The following ZNF292 variants were observed in gnomAD, a reference collection of about 807,000 sequenced individuals.
The protein encoded by ZNF292 is zinc finger protein 292.
ZNF292 carries 26 observed loss-of-function variants against 217.9 expected under a neutral mutation model. The observed-to-expected ratio is 0.12, with a 90% confidence interval of 0.09 to 0.17. The LOEUF (loss-of-function observed/expected upper bound fraction) is 0.17. Ranked by LOEUF, ZNF292 falls within the 10% of genes least tolerant of loss-of-function variation. The probability of loss-of-function intolerance (pLI) is 1.00; values close to 1 mark genes in which losing one functional copy is unlikely to be tolerated. For synonymous variants in ZNF292, 1,257 were observed against 1,124.1 expected (o/e 1.12, Z -2.37); for missense variants, 2,904 against 3,175.2 (o/e 0.91, Z 2.05).
chr6:87,174,694 T>C (rs1481286294), intron 1 of ZNF292, among the ~76,000 whole-genome samples: 2 of 152,204 alleles, frequency 1.3e-5, no homozygotes, highest in Non-Finnish European at 2.9e-5. Flanking sequence ...CTTACGCTGC[T>C]TATTCTTGTC....
At chr6:87,176,717 G>T (rs963971978) in intron 1 of ZNF292, among the ~76,000 whole-genome samples, 2 of 152,064 alleles carry the variant, frequency 1.3e-5, no homozygotes, top group African/African-American at 4.8e-5. Flanking sequence ...AGTGGTTCCT[G>T]ATGACCTGGT....
Position 87,258,850 on chromosome 6 carries a change from A to C in ZNF292, c.5221A>C (p.Asn1741His), listed in dbSNP as rs751077265. 19 of 1,610,540 alleles carry C rather than the reference A, an allele frequency of 1.2e-5. No individual in the cohort carries two copies. Among genetic ancestry groups the C allele is most frequent in the Non-Finnish European group, 1.5e-5 (18 of 1,178,158 alleles). Residue 1741 changes from asparagine (N) to histidine (H), a missense_variant, in exon 8 of 8, where the codon AAT (asparagine) becomes CAT (histidine). Transcript: ENST00000369577. Reference protein sequence around the residue: ...MALNSCTTSINSDLQISEDNV... With the variant: ...MALNSCTTSIHSDLQISEDNV... The stretch of plus-strand genomic sequence containing the variant: ...TTTGAATTCATGCACAACTTCAATA[A>C]ATTCTGATTTGCAGATTTCTGAAGA...
intron 1 of ZNF292, chr6:87,174,099 A>C (rs1483910000): frequency 6.0e-6 from 1 of 165,802 alleles, no homozygotes; most frequent in African/African-American, 2.6e-5. Context: ...AGAATAGTGC[A>C]GGAGCTTCAC....
chr6:87,257,883 G>A lies in ZNF292; in HGVS notation c.4254G>A (p.Gln1418=), dbSNP rs200092613. ...AAGAACTTCTACAGAGTAATGGACA[G>A]CCTTCTCTTCTTGCCAGCATGATTC... ...IAQELLQSNG[Q]PSLLASMILS... Residue 1418 remains glutamine, a synonymous_variant, in exon 8 of 8, where the codon CAG becomes CAA. Transcript: ENST00000369577. The A allele has an allele frequency of 1.1e-4, 176 of 1,613,898 alleles. No individual in the cohort carries two copies. In the East Asian group the frequency reaches 3.8e-3, roughly 35 times the overall value.
chr6:87,254,747 A>G lies in ZNF292; in HGVS notation c.1118A>G (p.Lys373Arg). ...ACTGAAGTGAAAATATCTATTTGCA[A>G]GACCATTTCATGTTTGTTGCCTGAT... Reference protein sequence around the residue: ...ENTEVKISICKTISCLLPDDL... With the variant: ...ENTEVKISICRTISCLLPDDL... The change falls in exon 8 of 8, where the codon AAG becomes AGG. Residue 373 changes from lysine to arginine, a missense_variant. Physicochemically the swap from Lys to Arg is conservative, Grantham distance 26 (BLOSUM62 2). This residue lies in a region of ZNF292 where 313 missense variants were observed against 451.0 expected (regional missense o/e 0.69). Coordinates refer to ENST00000369577, the MANE Select transcript of ZNF292 (RefSeq NM_015021.3). 1.2e-6 allele frequency: 2 copies of G among 1,613,968 alleles called. No homozygotes were observed. Among genetic ancestry groups the G allele is most frequent in the Non-Finnish European group, 1.7e-6 (2 of 1,179,848 alleles).
At position 87,258,195 on chromosome 6, in the gene ZNF292, A is replaced by G. The variant is rs1052961916; in HGVS notation, c.4566A>G (p.Gln1522=). The G allele has an allele frequency of 9.9e-6, 16 of 1,611,594 alleles. No individual in the cohort carries two copies. Among genetic ancestry groups the G allele is most frequent in the Admixed American group, 1.7e-5 (1 of 59,508 alleles). ...VSTGCVSDAS[Q]VNATVMPNPT... ...CAGGTTGTGTCTCTGATGCATCACAAGTAAATGCAACGGTGATGCCAAATC... is the reference window on the plus strand; with the variant it reads ...CAGGTTGTGTCTCTGATGCATCACAGGTAAATGCAACGGTGATGCCAAATC... Residue 1522 remains glutamine, a synonymous_variant, in exon 8 of 8, where the codon CAA becomes CAG. Transcript: ENST00000369577.
At chr6:87,188,511 G>T (rs898251905) in intron 1 of ZNF292, among the ~76,000 whole-genome samples, 2 of 151,966 alleles carry the variant, frequency 1.3e-5, no homozygotes, top group Non-Finnish European at 2.9e-5. Context: ...TATAAACATT[G>T]TATATATCCA....
chr6:87,190,240 TAAC>T (rs977280456), intron 1 of ZNF292, among the ~76,000 whole-genome samples: 4 of 152,204 alleles, frequency 2.6e-5, no homozygotes, highest in African/African-American at 9.6e-5. Flanking sequence ...ACGTAATAAC[TAAC>T]AAAATTTATT....
rs61744959 is a variant in ZNF292, at chr6:87,260,932, G to A, written c.7303G>A (p.Val2435Ile). 14,911 of 1,610,994 alleles carry A rather than the reference G, an allele frequency of 9.3e-3. 115 individuals are homozygous for A. The highest frequency in any genetic ancestry group is 0.023 in the South Asian group (2,071 of 90,610). Residue 2435 changes from valine (V) to isoleucine (I), a missense_variant, in exon 8 of 8, where the codon GTA becomes ATA. By Grantham distance (29) the Val-to-Ile change is conservative. This residue lies in a region of ZNF292 where 380 missense variants were observed against 355.3 expected (regional missense o/e 1.07). Coordinates refer to ENST00000369577, the MANE Select transcript of ZNF292 (RefSeq NM_015021.3). ...IVFKRCCNSQ[V>I]KETSEQEGAK... is the part of the protein sequence containing the mutation. ...ATTCAAACGGTGTTGCAACTCACAAGTAAAGGAAACGTCTGAGCAAGAAGG... is the reference window on the plus strand; with the variant it reads ...ATTCAAACGGTGTTGCAACTCACAAATAAAGGAAACGTCTGAGCAAGAAGG...
At chr6:87,161,341 T>C (rs1309880235) in intron 1 of ZNF292, among the ~76,000 whole-genome samples, 1 of 152,238 alleles carries the variant, frequency 6.6e-6, no homozygotes, top group Non-Finnish European at 1.5e-5. Flanking sequence ...TATAAATTAG[T>C]AAGATAATAT....
intron 1 of ZNF292, among the ~76,000 whole-genome samples, chr6:87,206,935 A>G (rs982072210): frequency 1.3e-5 from 2 of 152,188 alleles, no homozygotes; most frequent in Non-Finnish European, 2.9e-5. Context: ...AGAAGTGGGC[A>G]CCAGAAGGAA....
rs903620943 is a variant in ZNF292 at position 87,263,113 on chromosome 6, T to C, written c.*1312T>C. ...TTATAATTATTTTGGTTATTCAGTA[T>C]ATAGTTAGCTCTTACAGTTTAGCTT... is the stretch of plus-strand genomic sequence containing the variant. On this transcript the variant is annotated 3_prime_UTR_variant, in exon 8 of 8. Coordinates refer to ENST00000369577, the MANE Select transcript of ZNF292 (RefSeq NM_015021.3). 1.3e-5 allele frequency: 2 copies of C among 152,030 alleles called. No individual in the cohort carries two copies. Among genetic ancestry groups the C allele is most frequent in the African/African-American group, 4.8e-5 (2 of 41,430 alleles). The allele number at this position is 152,030 out of a possible 1,614,324, so 9.4% of individuals were successfully genotyped here. A position where few individuals can be genotyped will look rare whatever the true frequency, so the allele number is the denominator to read the frequency against.
chr6:87,250,030 AAAAAAAC>A (rs1177193261), intron 7 of ZNF292, among the ~76,000 whole-genome samples: 45 of 142,064 alleles, frequency 3.2e-4, no homozygotes, highest in African/African-American at 1.1e-3. Context: ...CCTTAAAAAA[AAAAAAAC>A]AAAAAAAAAA....
At chr6:87,177,006 CA>C (rs964826075) in intron 1 of ZNF292, among the ~76,000 whole-genome samples, 5 of 152,148 alleles carry the variant, frequency 3.3e-5, no homozygotes, top group East Asian at 1.9e-4. Flanking sequence ...CCCGGCCCCC[CA>C]CTCCTCCCCA....
chr6:87,257,031 C>T lies in ZNF292; in HGVS notation c.3402C>T (p.Arg1134=), dbSNP rs1484772821. ...PDQYAAFKMQ[R]KSKKGQKANN... ...AATATGCTGCATTTAAAATGCAGCG[C>T]AAAAGTAAAAAAGGTCAGAAAGCTA... Residue 1134 remains arginine, a synonymous_variant, in exon 8 of 8, where the codon CGC becomes CGT. Coordinates refer to ENST00000369577, the MANE Select transcript of ZNF292 (RefSeq NM_015021.3). 10 of 1,613,556 alleles carry T rather than the reference C, an allele frequency of 6.2e-6. No homozygotes were observed. The highest frequency in any genetic ancestry group is 1.3e-5 in the African/African-American group (1 of 74,974).
intron 1 of ZNF292, among the ~76,000 whole-genome samples, chr6:87,192,228 A>C (rs1461583926): frequency 6.6e-6 from 1 of 152,224 alleles, no homozygotes; most frequent in Non-Finnish European, 1.5e-5. Flanking sequence ...AATGAGTTGC[A>C]GTTTCTCATT....
At chr6:87,195,580 A>T (rs569786548) in intron 1 of ZNF292, among the ~76,000 whole-genome samples, 1 of 152,348 alleles carries the variant, frequency 6.6e-6, no homozygotes, top group Non-Finnish European at 1.5e-5. Flanking sequence ...TGGAAATCTT[A>T]TAGTTTTCCT....
intron 5 of ZNF292, among the ~76,000 whole-genome samples, chr6:87,241,417 A>ATTT (rs34271239): frequency 1.4e-4 from 18 of 124,666 alleles, no homozygotes; most frequent in African/African-American, 1.8e-4. Flanking sequence ...AAGAGCTTGG[A>ATTT]TTTTTTTTTT....
At chr6:87,193,502 T>C (rs906118897) in intron 1 of ZNF292, among the ~76,000 whole-genome samples, 2 of 150,710 alleles carry the variant, frequency 1.3e-5, no homozygotes, top group Admixed American at 6.6e-5. Flanking sequence ...ATGGCACCAC[T>C]GCACTCCAGC....
Sources: allele counts gnomAD v4.1 joint callset (sites outside exome capture counted in the v4.1 genomes callset), GRCh38; gene constraint gnomAD v4.1.1; regional missense constraint gnomAD v4.1.1; transcripts MANE v1.5; gene names NCBI Gene and HGNC (gene_info 2026-07-23, HGNC 2026-07-21).